LANCL1: variants seen among roughly 807,000 people sequenced by gnomAD.
The protein encoded by LANCL1 is LanC like glutathione S-transferase 1.
A neutral mutation model predicts 50.6 loss-of-function variants in LANCL1; 50 were observed. That is an observed-to-expected ratio of 0.99 (90% CI 0.79 to 1.25). The LOEUF is 1.25. Ranked by LOEUF, LANCL1 falls within the 50% of genes most tolerant of loss-of-function variation. The probability of loss-of-function intolerance (pLI) is 0.00; values close to 1 mark genes in which losing one functional copy is unlikely to be tolerated. For synonymous variants in LANCL1, 188 were observed against 178.6 expected (o/e 1.05, Z -0.42); for missense variants, 532 against 480.7 (o/e 1.11, Z -1.00).
chr2:210,447,711 C>T (rs770545605), intron 4 of LANCL1, among the ~76,000 whole-genome samples: 1 of 152,060 alleles, frequency 6.6e-6, no homozygotes, highest in Non-Finnish European at 1.5e-5. Flanking sequence ...CAATCCTAGT[C>T]TCTGATAAAA....
chr2:210,465,910 G>C (rs1694042387), intron 3 of LANCL1, among the ~76,000 whole-genome samples: 1 of 152,150 alleles, frequency 6.6e-6, no homozygotes, highest in South Asian at 2.1e-4. Context: ...ATGACCACCA[G>C]GATTTAAGGC....
intron 2 of LANCL1, among the ~76,000 whole-genome samples, chr2:210,475,102 T>G (rs575187225): frequency 6.6e-6 from 1 of 152,318 alleles, no homozygotes; most frequent in Non-Finnish European, 1.5e-5. Context: ...CTTCATCTCT[T>G]TGATTCCTCC....
In LANCL1 at chr2:210,433,919, AT is replaced by A. The variant is rs1254863792; in HGVS notation, c.*567del. 6 of 152,344 alleles carry A rather than the reference AT, an allele frequency of 3.9e-5. No individual in the cohort carries two copies. Among genetic ancestry groups the A allele is most frequent in the African/African-American group, 1.4e-4 (6 of 41,576 alleles). The allele number at this position is 152,344 out of a possible 1,614,324, so 9.4% of individuals were successfully genotyped here. The stretch of plus-strand genomic sequence containing the variant: ...CCTCTAGTCCAAATAGGCATCAAGA[AT>A]TTAAAAAATGATATTTAGGTACCAA... On this transcript the variant is annotated 3_prime_UTR_variant, in exon 10 of 10. Coordinates refer to ENST00000450366, the MANE Select transcript of LANCL1 (RefSeq NM_006055.3).
At chr2:210,440,470 A>T in intron 6 of LANCL1, 128 bp downstream of exon 6, 1 of 850,722 alleles carries the variant, frequency 1.2e-6, no homozygotes, top group Non-Finnish European at 1.7e-6. Flanking sequence ...ACAAGTAATT[A>T]CAAGGAGAGT....
rs1692748691 is a variant in LANCL1, at chr2:210,431,634, A to G, written c.*2853T>C. 2 of 152,330 alleles carry G rather than the reference A, an allele frequency of 1.3e-5. No individual in the cohort carries two copies. Among genetic ancestry groups the G allele is most frequent in the Non-Finnish European group, 2.9e-5 (2 of 68,028 alleles). The allele number at this position is 152,330 out of a possible 1,614,324, so 9.4% of individuals were successfully genotyped here. A position where few individuals can be genotyped will look rare whatever the true frequency, so the allele number is the denominator to read the frequency against. ...CAGACAAAAATTAACCTGAGGACAT[A>G]GTAGCAGAGTATGTCTCTCAATTCA... On this transcript the variant is annotated 3_prime_UTR_variant, in exon 10 of 10. Transcript: ENST00000450366.
intron 6 of LANCL1, 42 bp from the exon 7 acceptor site, chr2:210,437,914 A>AC (rs762479509): frequency 7.0e-7 from 1 of 1,429,064 alleles, no homozygotes; most frequent in Non-Finnish European, 9.5e-7. Flanking sequence ...TGAAGCAAAT[A>AC]AACCTTCCTA....
chr2:210,449,975 A>G (rs1459646879), intron 4 of LANCL1, among the ~76,000 whole-genome samples: 1 of 152,250 alleles, frequency 6.6e-6, no homozygotes, highest in East Asian at 1.9e-4. Context: ...CTTTCTTCAC[A>G]GAATTAGAAA....
intron 3 of LANCL1, among the ~76,000 whole-genome samples, chr2:210,461,240 A>G (rs1693848470): frequency 6.6e-6 from 1 of 151,992 alleles, no homozygotes; most frequent in African/African-American, 2.4e-5. Flanking sequence ...GCCATTGTGA[A>G]GTGCTCTAAT....
chr2:210,434,957 T>A (rs1692873187), intron 9 of LANCL1, among the ~76,000 whole-genome samples: 1 of 152,126 alleles, frequency 6.6e-6, no homozygotes, highest in African/African-American at 2.4e-5. Flanking sequence ...CAGTTCAACA[T>A]TAGAAGAGAT....
In LANCL1 at chr2:210,437,985, G is replaced by A. The variant is rs540628608; in HGVS notation, c.691-113C>T. 14 of 685,604 alleles carry A rather than the reference G, an allele frequency of 2.0e-5. No homozygotes were observed. The South Asian group carries it at 4.5e-4, about 22-fold the overall frequency. 42.5% of individuals were successfully genotyped at this position (685,604 alleles called of 1,614,324 possible). On this transcript the variant is annotated intron_variant, in intron 6 of 9. Transcript: ENST00000450366. ...CTAAGGGGAAATGGAAGGTCATTAA[G>A]AGGTTTTGGATTTCATCCAATTTTT...
Position 210,471,490 on chromosome 2 carries a change from T to C in LANCL1, c.199+469A>G, listed in dbSNP as rs1460044890. The C allele has an allele frequency of 1.6e-5, 7 of 430,978 alleles. No homozygotes were observed. The East Asian group carries it at 3.5e-4, about 22-fold the overall frequency. 26.7% of individuals were successfully genotyped at this position (430,978 alleles called of 1,614,324 possible). ...ATGACCATATGGGAGGATTAGTTCA[T>C]GGAAGTAATACTTTACCCTGTATGG... On this transcript the variant is annotated intron_variant, in intron 3 of 9. Coordinates refer to ENST00000450366, the MANE Select transcript of LANCL1 (RefSeq NM_006055.3).
At chr2:210,451,658 G>C (rs773601982) in intron 4 of LANCL1, among the ~76,000 whole-genome samples, 1 of 152,124 alleles carries the variant, frequency 6.6e-6, no homozygotes, top group Non-Finnish European at 1.5e-5. Flanking sequence ...AAGGTTTAGA[G>C]TAATTTACCC....
chr2:210,465,686 A>C (rs1694032311), intron 3 of LANCL1, among the ~76,000 whole-genome samples: 1 of 152,230 alleles, frequency 6.6e-6, no homozygotes, highest in African/African-American at 2.4e-5. Context: ...ATTTAATGCC[A>C]GCAAGGGTTG....
At chr2:210,434,747 G>A (rs1468512320) in intron 9 of LANCL1, among the ~76,000 whole-genome samples, 184 bp from the exon 10 acceptor site, 1 of 151,960 alleles carries the variant, frequency 6.6e-6, no homozygotes, top group East Asian at 1.9e-4. Flanking sequence ...GATCAAGGCC[G>A]CACTGGAGGG....
chr2:210,434,613 C>T, intron 9 of LANCL1, 50 bp from the exon 10 acceptor site: 1 of 1,415,602 alleles, frequency 7.1e-7, no homozygotes, highest in Non-Finnish European at 1.0e-6. Context: ...GACTCCATTT[C>T]ATAGGATGGT....
At chr2:210,472,414 A>C (rs966835094) in intron 2 of LANCL1, among the ~76,000 whole-genome samples, 12 of 152,324 alleles carry the variant, frequency 7.9e-5, no homozygotes, top group African/African-American at 2.4e-4. Flanking sequence ...AATTAAGCAC[A>C]AATCAGATGT....
intron 4 of LANCL1, among the ~76,000 whole-genome samples, chr2:210,444,998 ATG>A (rs1693267637): frequency 6.6e-6 from 1 of 152,168 alleles, no homozygotes; most frequent in South Asian, 2.1e-4. Flanking sequence ...AGAAAACAAA[ATG>A]TGTTTATTAG....
Position 210,471,874 on chromosome 2 carries a change from G to A in LANCL1, c.199+85C>T. On this transcript the variant is annotated intron_variant, in intron 3 of 9. Coordinates refer to ENST00000450366, the MANE Select transcript of LANCL1 (RefSeq NM_006055.3). Reference sequence around the variant, plus strand: ...GCAGATGCAGGAAGCATTTAAGGGTGTACCATTCAGACAGACAGCTCTCGG... The same window carrying A: ...GCAGATGCAGGAAGCATTTAAGGGTATACCATTCAGACAGACAGCTCTCGG... 6 of 938,500 alleles carry A rather than the reference G, an allele frequency of 6.4e-6. No individual in the cohort carries two copies. The South Asian group carries it at 6.5e-5, about 10-fold the overall frequency. 58.1% of individuals were successfully genotyped at this position (938,500 alleles called of 1,614,324 possible). A position where few individuals can be genotyped will look rare whatever the true frequency, so the allele number is the denominator to read the frequency against.
rs552781183 is a variant in LANCL1, at chr2:210,470,679, A to C, written c.199+1280T>G. ...AGATTTGGGATGCTCAACCTGTACT[A>C]AAGAGGAAGACTAATAAGAGATTGC... is the stretch of plus-strand genomic sequence containing the variant. On this transcript the variant is annotated intron_variant, in intron 3 of 9. Coordinates refer to ENST00000450366, the MANE Select transcript of LANCL1 (RefSeq NM_006055.3). Among the ~76,000 whole-genome samples, 28 of 152,288 alleles carry C rather than the reference A, an allele frequency of 1.8e-4. 3 individuals carry two copies. The South Asian group carries it at 5.0e-3, about 27-fold the overall frequency.
Sources: gnomAD v4.1 joint callset for allele counts (sites outside exome capture counted in the v4.1 genomes callset) on GRCh38, gnomAD v4.1.1 for gene constraint, MANE v1.5 for transcripts, NCBI Gene and HGNC (gene_info 2026-07-23, HGNC 2026-07-21) for gene names.